The following LIMA1 variants were observed in gnomAD, a reference collection of about 807,000 sequenced individuals.
LIMA1 encodes LIM domain and actin-binding protein 1.
Under a neutral mutation model 62.6 loss-of-function variants are expected in LIMA1, and 52 were observed. The ratio of observed to expected loss-of-function variants is 0.83; its 90% CI spans 0.67 to 1.05. The LOEUF (loss-of-function observed/expected upper bound fraction) is 1.05, where lower values mean the gene tolerates loss of function less well. LIMA1 is among the 50% of genes least tolerant of loss of function. The probability of loss-of-function intolerance (pLI) is 0.00; values close to 1 mark genes in which losing one functional copy is unlikely to be tolerated. For missense variants in LIMA1, 780 were observed against 902.2 expected, an observed-to-expected ratio of 0.86 and a Z score of 1.74; for synonymous variants, 302 against 317.8, an observed-to-expected ratio of 0.95 and a Z score of 0.53.
intron 1 of LIMA1, among the ~76,000 whole-genome samples, chr12:50,254,952 C>T (rs1176870709): frequency 1.3e-5 from 2 of 151,140 alleles, no homozygotes; most frequent in Non-Finnish European, 2.9e-5. Context: ...TCCAGCTACT[C>T]GGGAGGGTGA....
At chr12:50,230,829 G>A (rs1009099865) in intron 3 of LIMA1, among the ~76,000 whole-genome samples, 9 of 152,056 alleles carry the variant, frequency 5.9e-5, no homozygotes, top group Non-Finnish European at 1.3e-4. Context: ...TGCCCGCCTC[G>A]GTCTCCCAAA....
At chr12:50,227,845 A>AT (rs1206396988) in intron 3 of LIMA1, among the ~76,000 whole-genome samples, 15 of 142,404 alleles carry the variant, frequency 1.1e-4, no homozygotes, top group East Asian at 6.2e-4. Flanking sequence ...TGATATGGTA[A>AT]TTTTTTTTTT....
At chr12:50,197,420 A>G (rs1940955041) in intron 7 of LIMA1, among the ~76,000 whole-genome samples, 1 of 151,498 alleles carries the variant, frequency 6.6e-6, no homozygotes, top group Non-Finnish European at 1.5e-5. Context: ...ACACTTAGGT[A>G]TTGGTTAACA....
intron 4 of LIMA1, among the ~76,000 whole-genome samples, chr12:50,210,499 T>C (rs1270909289): frequency 2.0e-5 from 3 of 152,080 alleles, no homozygotes; most frequent in Non-Finnish European, 4.4e-5. Flanking sequence ...ATATTTGCTT[T>C]CTGTCAAAGT....
rs1055386561 is a variant in LIMA1 at position 50,176,128 on chromosome 12, C to T, written c.*936G>A. The T allele has an allele frequency of 6.6e-6, 1 of 152,170 alleles. No homozygotes were observed. Among genetic ancestry groups the T allele is most frequent in the Non-Finnish European group, 1.5e-5 (1 of 68,034 alleles). 9.4% of individuals were successfully genotyped at this position (152,170 alleles called of 1,614,324 possible). ...AGTAAGTATTTAAAAATTAGTGTCT[C>T]AAAAAGGGGACATCATAAGGGAAAT... On this transcript the variant is annotated 3_prime_UTR_variant, in exon 11 of 11. Coordinates refer to ENST00000341247, the MANE Select transcript of LIMA1 (RefSeq NM_016357.5).
At chr12:50,282,127 C>A (rs544822598) in intron 1 of LIMA1, among the ~76,000 whole-genome samples, 1 of 152,080 alleles carries the variant, frequency 6.6e-6, no homozygotes. Flanking sequence ...CCTTCTTTCA[C>A]GCCAACTCTA....
chr12:50,181,993 C>A lies in LIMA1; in HGVS notation c.1185G>T (p.Lys395Asn). Reference sequence around the variant, plus strand: ...AGAGACGCTCCATTGGATAGACTGTCTTCTGACATTCCACGCAGGTCTCTC... The same window carrying A: ...AGAGACGCTCCATTGGATAGACTGTATTCTGACATTCCACGCAGGTCTCTC... ...PARETCVECQ[K>N]TVYPMERLLA... Residue 395 changes from lysine to asparagine, a missense_variant, in exon 10 of 11, where the codon AAG becomes AAT. Coordinates refer to ENST00000341247, the MANE Select transcript of LIMA1 (RefSeq NM_016357.5). The A allele has an allele frequency of 6.2e-7, 1 of 1,613,300 alleles. No homozygotes were observed. The highest frequency in any genetic ancestry group is 1.3e-5 in the African/African-American group (1 of 75,014).
At chr12:50,273,559 GA>G (rs940014068) in intron 1 of LIMA1, among the ~76,000 whole-genome samples, 2 of 151,438 alleles carry the variant, frequency 1.3e-5, no homozygotes, top group African/African-American at 4.8e-5. Context: ...CCAGCATTAA[GA>G]AAAAAAATGG....
At chr12:50,222,752 A>G in intron 3 of LIMA1, 1 of 1,198,052 alleles carries the variant, frequency 8.3e-7, no homozygotes, top group Non-Finnish European at 1.1e-6. Flanking sequence ...GAAGAAAGGC[A>G]AACCCAGCTC....
At chr12:50,231,026 T>C (rs917667218) in intron 3 of LIMA1, among the ~76,000 whole-genome samples, 1 of 152,232 alleles carries the variant, frequency 6.6e-6, no homozygotes, top group African/African-American at 2.4e-5. Flanking sequence ...AGGATGTTTT[T>C]GTAATGCCAT....
At chr12:50,248,060 C>T (rs756322150) in intron 2 of LIMA1, among the ~76,000 whole-genome samples, 15 of 152,188 alleles carry the variant, frequency 9.9e-5, no homozygotes, top group Non-Finnish European at 1.6e-4. Context: ...ACGACAGTCA[C>T]CAACAAGTAG....
At chr12:50,277,625 T>C (rs936942169) in intron 1 of LIMA1, among the ~76,000 whole-genome samples, 5 of 152,164 alleles carry the variant, frequency 3.3e-5, no homozygotes, top group African/African-American at 1.2e-4. Context: ...GACTCTCAAA[T>C]AGCACCCTTT....
chr12:50,222,059 TAA>T lies in LIMA1; in HGVS notation c.590_591del (p.Leu197GlnfsTer5), dbSNP rs1409376482. ...GGTTCACCTTTCTCAAACATCATCT[TAA>T]GCCTGTTCAGCGGAACATTATATTT... ...IEKYNVPLNR[L>X]KMMFEKGEPT... is the part of the protein sequence containing the mutation. On this transcript the variant is annotated frameshift_variant, in exon 4 of 11. Coordinates refer to ENST00000341247, the MANE Select transcript of LIMA1 (RefSeq NM_016357.5). LOFTEE classifies it high-confidence loss of function. 6.2e-7 allele frequency: 1 copy of T among 1,613,894 alleles called. No individual in the cohort carries two copies. Among genetic ancestry groups the T allele is most frequent in the African/African-American group, 1.3e-5 (1 of 74,874 alleles).
chr12:50,193,544 T>C lies in LIMA1; in HGVS notation c.1031-983A>G, dbSNP rs144424187. Among the ~76,000 whole-genome samples the C allele has an allele frequency of 7.6e-3, 1,034 of 136,110 alleles. 14 individuals carry two copies. The highest frequency in any genetic ancestry group is 0.027 in the African/African-American group (934 of 34,694). 89.3% of individuals were successfully genotyped at this position (136,110 alleles called of 152,430 possible). On this transcript the variant is annotated intron_variant, in intron 8 of 10. Coordinates refer to ENST00000341247, the MANE Select transcript of LIMA1 (RefSeq NM_016357.5). ...TATATACACATATATGATATATATATACATATATATCATATATGTATATAT... is the reference window on the plus strand; with the variant it reads ...TATATACACATATATGATATATATACACATATATATCATATATGTATATAT...
chr12:50,238,677 C>A (rs895203750), intron 2 of LIMA1, among the ~76,000 whole-genome samples: 1 of 150,758 alleles, frequency 6.6e-6, no homozygotes, highest in Non-Finnish European at 1.5e-5. Flanking sequence ...TGGTAAAACC[C>A]CGTCTCTACT....
At chr12:50,242,201 C>T (rs1941787831) in intron 2 of LIMA1, among the ~76,000 whole-genome samples, 1 of 151,796 alleles carries the variant, frequency 6.6e-6, no homozygotes, top group African/African-American at 2.4e-5. Flanking sequence ...AAAACAGAAA[C>T]TCCCAAGGTT....
Position 50,221,965 on chromosome 12 carries a change from G to A in LIMA1, c.630+56C>T, listed in dbSNP as rs1258703754. 69 of 1,465,216 alleles carry A rather than the reference G, an allele frequency of 4.7e-5. 1 individual carries two copies. Among genetic ancestry groups the A allele is most frequent in the Non-Finnish European group, 6.3e-5 (68 of 1,077,994 alleles). The allele number at this position is 1,465,216 out of a possible 1,614,324, so 90.8% of individuals were successfully genotyped here. On this transcript the variant is annotated intron_variant, in intron 4 of 10. Coordinates refer to ENST00000341247, the MANE Select transcript of LIMA1 (RefSeq NM_016357.5). ...TCAAAATAGCTAGATTGGAAAAACA[G>A]CTTTGTTTAGTGCTTGAATTGGCTT...
At chr12:50,238,317 G>A (rs1466394210) in intron 2 of LIMA1, among the ~76,000 whole-genome samples, 1 of 152,062 alleles carries the variant, frequency 6.6e-6, no homozygotes, top group Non-Finnish European at 1.5e-5. Context: ...GACCAGCCTG[G>A]CCAACATGAC....
At chr12:50,278,755 A>C (rs1942303489) in intron 1 of LIMA1, among the ~76,000 whole-genome samples, 1 of 152,210 alleles carries the variant, frequency 6.6e-6, no homozygotes, top group Admixed American at 6.5e-5. Context: ...ATATCCATTT[A>C]AATGTTTTCA....
Sources: gnomAD v4.1 joint callset for allele counts (sites outside exome capture counted in the v4.1 genomes callset) on GRCh38, gnomAD v4.1.1 for gene constraint, MANE v1.5 for transcripts, NCBI Gene and HGNC (gene_info 2026-07-23, HGNC 2026-07-21) for gene names.